CRPPA: variants seen among roughly 807,000 people sequenced by gnomAD.
The protein encoded by CRPPA is CDP-L-ribitol pyrophosphorylase A.
A neutral mutation model predicts 52.0 loss-of-function variants in CRPPA; 43 were observed. The ratio of observed to expected loss-of-function variants is 0.83; its 90% CI spans 0.65 to 1.07. CRPPA has a LOEUF of 1.07. Among genes scored for constraint, CRPPA ranks in the 50% least tolerant of loss-of-function variants. CRPPA has a pLI of 0.00. For synonymous variants in CRPPA, 250 were observed against 203.5 expected (o/e 1.23, Z -1.94); for missense variants, 629 against 551.7 (o/e 1.14, Z -1.40).
In CRPPA at chr7:16,212,556, A is replaced by G. The variant is rs532149826; in HGVS notation, c.1251+3510T>C. 2.9e-3 allele frequency among the ~76,000 whole-genome samples: 445 copies of G among 152,332 alleles called. 3 individuals carry two copies. Among genetic ancestry groups the G allele is most frequent in the African/African-American group, 0.01 (426 of 41,576 alleles). On this transcript the variant is annotated intron_variant, in intron 9 of 9. Coordinates refer to ENST00000407010, the MANE Select transcript of CRPPA (RefSeq NM_001101426.4). Reference sequence around the variant, plus strand: ...CACCGTAATGAATAATTTCTCCAGGAAAAGAAAGGAAATAATAGTTCAGGT... The same window carrying G: ...CACCGTAATGAATAATTTCTCCAGGGAAAGAAAGGAAATAATAGTTCAGGT...
intron 9 of CRPPA, among the ~76,000 whole-genome samples, chr7:16,215,362 A>C (rs1782275374): frequency 6.6e-6 from 1 of 152,220 alleles, no homozygotes; most frequent in Non-Finnish European, 1.5e-5. Flanking sequence ...CAGATTCTCC[A>C]AATTTTTAAC....
chr7:16,362,005 C>T (rs1336303237), intron 3 of CRPPA, among the ~76,000 whole-genome samples: 1 of 150,940 alleles, frequency 6.6e-6, no homozygotes, highest in Non-Finnish European at 1.5e-5. Flanking sequence ...CAGGCACCTG[C>T]CATCACGCCC....
chr7:16,339,549 C>T (rs76620893), intron 3 of CRPPA, among the ~76,000 whole-genome samples: 4,218 of 152,212 alleles, frequency 0.028, 223 homozygotes, highest in African/African-American at 0.097. Flanking sequence ...ACTTTTTCAA[C>T]TTTGTAAAGA....
At chr7:16,230,154 C>A (rs1465978015) in intron 8 of CRPPA, among the ~76,000 whole-genome samples, 1 of 152,116 alleles carries the variant, frequency 6.6e-6, no homozygotes, top group Non-Finnish European at 1.5e-5. Flanking sequence ...AGACCTTTGA[C>A]ATTTCTGTAC....
chr7:16,222,922 C>T (rs979439516), intron 8 of CRPPA, among the ~76,000 whole-genome samples: 4 of 152,040 alleles, frequency 2.6e-5, no homozygotes, highest in South Asian at 2.1e-4. Flanking sequence ...TCATCTTGAA[C>T]GTTTATCATT....
At chr7:16,312,347 G>A (rs11981685) in intron 3 of CRPPA, among the ~76,000 whole-genome samples, 3,216 of 151,966 alleles carry the variant, frequency 0.021, 105 homozygotes, top group African/African-American at 0.072. Context: ...TTAGATTTAT[G>A]CCCAAGTATC....
At chr7:16,207,859 A>G (rs930386258) in intron 9 of CRPPA, among the ~76,000 whole-genome samples, 4 of 152,328 alleles carry the variant, frequency 2.6e-5, no homozygotes, top group East Asian at 1.9e-4. Flanking sequence ...ATCAATATCA[A>G]TGAAGTATAT....
intron 8 of CRPPA, among the ~76,000 whole-genome samples, chr7:16,252,230 AT>A (rs148342474): frequency 0.021 from 3,257 of 152,236 alleles, 132 homozygotes; most frequent in East Asian, 0.19. Context: ...CATCCCTGGG[AT>A]GCAAGGCTGG....
chr7:16,127,818 C>A (rs1349875965), intron 9 of CRPPA, among the ~76,000 whole-genome samples: 1 of 152,066 alleles, frequency 6.6e-6, no homozygotes, highest in African/African-American at 2.4e-5. Context: ...AAAAGCTACT[C>A]TAATGGTAAA....
At chr7:16,175,188 G>A (rs1005876453) in intron 9 of CRPPA, among the ~76,000 whole-genome samples, 17 of 152,114 alleles carry the variant, frequency 1.1e-4, no homozygotes, top group African/African-American at 4.1e-4. Context: ...AAATTTGAAA[G>A]TATGCTGGTT....
At chr7:16,146,709 T>C (rs570718765) in intron 9 of CRPPA, among the ~76,000 whole-genome samples, 39 of 152,238 alleles carry the variant, frequency 2.6e-4, no homozygotes, top group African/African-American at 9.4e-4. Flanking sequence ...GTTATACCTA[T>C]AAGATGTTTT....
chr7:16,122,186 A>T (rs1444777664), intron 9 of CRPPA, among the ~76,000 whole-genome samples: 1 of 152,100 alleles, frequency 6.6e-6, no homozygotes, highest in African/African-American at 2.4e-5. Flanking sequence ...AACACGCACA[A>T]TCAAAAGGAA....
At chr7:16,342,890 A>C (rs1785912162) in intron 3 of CRPPA, among the ~76,000 whole-genome samples, 2 of 104,552 alleles carry the variant, frequency 1.9e-5, no homozygotes, top group Non-Finnish European at 4.2e-5. Context: ...GAAATACAAA[A>C]TTAGCTGGAT....
intron 8 of CRPPA, among the ~76,000 whole-genome samples, chr7:16,253,439 T>C (rs1014684613): frequency 5.9e-5 from 9 of 152,162 alleles, no homozygotes; most frequent in Non-Finnish European, 1.3e-4. Flanking sequence ...TAATCCTGAG[T>C]TCTAATTTGA....
At chr7:16,165,733 C>T (rs1223887209) in intron 9 of CRPPA, among the ~76,000 whole-genome samples, 1 of 152,198 alleles carries the variant, frequency 6.6e-6, no homozygotes, top group Admixed American at 6.5e-5. Flanking sequence ...TCTTTTCTCC[C>T]CCACCCACTC....
intron 8 of CRPPA, among the ~76,000 whole-genome samples, chr7:16,237,636 A>G (rs559168536): frequency 2.0e-5 from 3 of 152,286 alleles, no homozygotes; most frequent in African/African-American, 7.2e-5. Context: ...TAGCCTCCCA[A>G]CTAAACCACA....
chr7:16,354,788 C>T (rs910266098), intron 3 of CRPPA, among the ~76,000 whole-genome samples: 2 of 152,058 alleles, frequency 1.3e-5, no homozygotes, highest in African/African-American at 4.8e-5. Context: ...CACTGAAATG[C>T]AGCCATCAGA....
intron 9 of CRPPA, among the ~76,000 whole-genome samples, chr7:16,190,980 T>G (rs1272174779): frequency 6.6e-6 from 1 of 152,146 alleles, no homozygotes; most frequent in African/African-American, 2.4e-5. Flanking sequence ...TTCCATGGTA[T>G]GTATGTGTGT....
chr7:16,102,350 A>G (rs1270273637), intron 9 of CRPPA, among the ~76,000 whole-genome samples: 1 of 152,214 alleles, frequency 6.6e-6, no homozygotes, highest in Non-Finnish European at 1.5e-5. Context: ...AAACCATAAA[A>G]ATCCTAGAAG....
Sources: allele counts gnomAD v4.1 joint callset (sites outside exome capture counted in the v4.1 genomes callset), GRCh38; gene constraint gnomAD v4.1.1; transcripts MANE v1.5; gene names NCBI Gene and HGNC (gene_info 2026-07-23, HGNC 2026-07-21).